Variants in SIDT1 observed in about 807,000 individuals in gnomAD.
SIDT1 encodes the protein SID1 transmembrane family, member 1.
In SIDT1, 101 loss-of-function variants were observed where a neutral mutation model predicts 107.5. That is an observed-to-expected ratio of 0.94 (90% CI 0.80 to 1.11). The LOEUF is 1.11. Ranked by LOEUF, SIDT1 falls within the 50% of genes least tolerant of loss-of-function variation. SIDT1 has a pLI of 0.00. For synonymous variants in SIDT1, 395 were observed against 398.2 expected, an observed-to-expected ratio of 0.99 and a Z score of 0.10; for missense variants, 1,076 against 1,058.2, an observed-to-expected ratio of 1.02 and a Z score of -0.23.
chr3:113,591,395 G>A (rs2107590723), intron 9 of SIDT1, among the ~76,000 whole-genome samples: 1 of 151,944 alleles, frequency 6.6e-6, no homozygotes, highest in East Asian at 1.9e-4. Flanking sequence ...ACAATCCCTT[G>A]CAAAGTCCCA....
At chr3:113,625,093 G>C (rs551503408) in intron 23 of SIDT1, among the ~76,000 whole-genome samples, 2 of 145,668 alleles carry the variant, frequency 1.4e-5, no homozygotes, top group Admixed American at 1.4e-4. Flanking sequence ...TCAAGTAGTA[G>C]AATTGCTGGA....
chr3:113,616,610 G>A (rs112746329), intron 20 of SIDT1, among the ~76,000 whole-genome samples: 13,624 of 151,938 alleles, frequency 0.09, 946 homozygotes, highest in East Asian at 0.31. Flanking sequence ...CATGGCACAC[G>A]TTTACCCATG....
At chr3:113,564,247 T>C (rs534138560) in intron 1 of SIDT1, among the ~76,000 whole-genome samples, 1 of 152,356 alleles carries the variant, frequency 6.6e-6, no homozygotes, top group Admixed American at 6.5e-5. Flanking sequence ...GCCTGGTGTG[T>C]ACTTTCAAAT....
chr3:113,612,132 T>C lies in SIDT1; in HGVS notation c.1904T>C (p.Ile635Thr), dbSNP rs767647529. The change falls in exon 19 of 25, where the codon ATC (isoleucine) becomes ACC (threonine). Residue 635 changes from isoleucine (I) to threonine (T), a missense_variant. By Grantham distance (89) the Ile-to-Thr change is moderately conservative. Transcript: ENST00000264852. ...DVWFWVIFSA[I>T]HVLASLALST... ...TGGTTCTGGGTCATCTTCTCTGCAA[T>C]CCACGTTCTGGCCTCGCTAGCCCTC... The C allele has an allele frequency of 2.5e-6, 4 of 1,614,148 alleles. No individual in the cohort carries two copies. Among genetic ancestry groups the C allele is most frequent in the Non-Finnish European group, 3.4e-6 (4 of 1,180,026 alleles).
chr3:113,557,104 G>A (rs752674726), intron 1 of SIDT1, among the ~76,000 whole-genome samples: 4 of 152,150 alleles, frequency 2.6e-5, no homozygotes, highest in Admixed American at 6.5e-5. Context: ...CAAGGCGCCC[G>A]TAATCCCAGC....
At chr3:113,593,422 G>A (rs1233634018) in intron 10 of SIDT1, among the ~76,000 whole-genome samples, 1 of 152,166 alleles carries the variant, frequency 6.6e-6, no homozygotes, top group African/African-American at 2.4e-5. Flanking sequence ...AGGGATCTGG[G>A]TTGCGTGCTC....
At chr3:113,632,555 T>TAAA (rs1230875481), downstream of SIDT1, 1 of 151,982 alleles carries the variant, frequency 6.6e-6, no homozygotes, top group Non-Finnish European at 1.5e-5. Flanking sequence ...TTTGAGGGGG[T>TAAA]GCATTTCCCC....
At chr3:113,594,776 A>T (rs1576892441) in intron 10 of SIDT1, 1 of 152,660 alleles carries the variant, frequency 6.6e-6, no homozygotes, top group Non-Finnish European at 1.5e-5. Flanking sequence ...CCACAGCAAC[A>T]AGAAAAAAAA....
rs956608806 is a variant in SIDT1, at chr3:113,580,720, A to T, written c.663+11A>T. Reference sequence around the variant, plus strand: ...GTCCAGAATATCATGGTGAGTGCTGATAACTTGCCAACCTTCTACTATAGA... The same window carrying T: ...GTCCAGAATATCATGGTGAGTGCTGTTAACTTGCCAACCTTCTACTATAGA... On this transcript the variant is annotated intron_variant, in intron 5 of 24. Coordinates refer to ENST00000264852, the MANE Select transcript of SIDT1 (RefSeq NM_017699.3). The T allele has an allele frequency of 1.3e-6, 2 of 1,543,416 alleles. No homozygotes were observed. Among genetic ancestry groups the T allele is most frequent in the Non-Finnish European group, 1.8e-6 (2 of 1,116,052 alleles).
chr3:113,610,669 G>A (rs1221053532), intron 17 of SIDT1, among the ~76,000 whole-genome samples: 1 of 152,180 alleles, frequency 6.6e-6, no homozygotes, highest in African/African-American at 2.4e-5. Context: ...TGTTATAATT[G>A]TTGAACACCA....
chr3:113,565,531 AG>A (rs1941819541), intron 1 of SIDT1, among the ~76,000 whole-genome samples: 1 of 152,198 alleles, frequency 6.6e-6, no homozygotes, highest in Admixed American at 6.5e-5. Context: ...GTCTCAAGAA[AG>A]AAAAAAAAAG....
intron 10 of SIDT1, among the ~76,000 whole-genome samples, chr3:113,596,410 G>A (rs1944554139): frequency 6.6e-6 from 1 of 152,150 alleles, no homozygotes; most frequent in African/African-American, 2.4e-5. Context: ...AAATCTCCAT[G>A]TTAGCTCCAA....
chr3:113,579,432 T>C (rs1260568762), intron 4 of SIDT1, among the ~76,000 whole-genome samples: 2 of 152,194 alleles, frequency 1.3e-5, no homozygotes, highest in African/African-American at 2.4e-5. Context: ...AAGAACACTC[T>C]TGGAAATTCC....
chr3:113,593,935 T>C (rs1343622670), intron 10 of SIDT1, among the ~76,000 whole-genome samples: 1 of 152,202 alleles, frequency 6.6e-6, no homozygotes, highest in Admixed American at 6.5e-5. Flanking sequence ...CTGATCTTTT[T>C]AACAAAATTA....
At chr3:113,542,926 GTGTGTGTGTGTGTT>G (rs1490955184) in intron 1 of SIDT1, among the ~76,000 whole-genome samples, 18 of 151,138 alleles carry the variant, frequency 1.2e-4, no homozygotes, top group African/African-American at 4.4e-4. Context: ...GTGTGTGTGT[GTGTGTGTGTGTGTT>G]TGTTTGTTTG....
intron 21 of SIDT1, among the ~76,000 whole-genome samples, chr3:113,620,101 A>G (rs761560908): frequency 2.0e-5 from 3 of 152,044 alleles, no homozygotes; most frequent in African/African-American, 4.8e-5. Flanking sequence ...ACTGATTGCA[A>G]ACATCCAACA....
intron 13 of SIDT1, 90 bp from the exon 14 acceptor site, chr3:113,604,820 A>C: frequency 6.9e-7 from 1 of 1,451,380 alleles, no homozygotes; most frequent in Non-Finnish European, 9.6e-7. Context: ...TTATGGACTT[A>C]TGGGGTGGAA....
At position 113,581,416 on chromosome 3, in the gene SIDT1, T is replaced by A; in HGVS notation, c.719T>A (p.Met240Lys). ...NVEFNGVYQS[M>K]TKKAAITLQK... ...GAATTTAATGGTGTCTATCAGTCCATGACCAAGAAAGCTGCCATCACGCTA... is the reference window on the plus strand; with the variant it reads ...GAATTTAATGGTGTCTATCAGTCCAAGACCAAGAAAGCTGCCATCACGCTA... The change falls in exon 6 of 25, where the codon ATG (methionine) becomes AAG (lysine). Residue 240 changes from methionine (M) to lysine (K), a missense_variant. Coordinates refer to ENST00000264852, the MANE Select transcript of SIDT1 (RefSeq NM_017699.3). 1.2e-6 allele frequency: 2 copies of A among 1,614,162 alleles called. No homozygotes were observed. Among genetic ancestry groups the A allele is most frequent in the Non-Finnish European group, 1.7e-6 (2 of 1,179,984 alleles).
intron 17 of SIDT1, among the ~76,000 whole-genome samples, chr3:113,610,356 C>T (rs1459807434): frequency 6.6e-6 from 1 of 152,210 alleles, no homozygotes. Flanking sequence ...TTCCCAATAG[C>T]TGTGTGAGAC....
Sources: allele counts gnomAD v4.1 joint callset (sites outside exome capture counted in the v4.1 genomes callset), GRCh38; gene constraint gnomAD v4.1.1; transcripts MANE v1.5; gene names NCBI Gene and HGNC (gene_info 2026-07-23, HGNC 2026-07-21).